Variants in TBC1D19 observed in about 807,000 individuals in gnomAD.
TBC1D19 encodes the protein TBC1 domain family member 19.
In TBC1D19, 60 loss-of-function variants were observed where a neutral mutation model predicts 89.0. The ratio of observed to expected loss-of-function variants is 0.67; its 90% CI spans 0.55 to 0.84. TBC1D19 has a LOEUF of 0.84. TBC1D19 is among the 40% of genes least tolerant of loss of function. The pLI is 0.00. For missense variants in TBC1D19, 500 were observed against 610.8 expected, an observed-to-expected ratio of 0.82 and a Z score of 1.91; for synonymous variants, 189 against 199.7, an observed-to-expected ratio of 0.95 and a Z score of 0.45.
chr4:26,622,092 T>G (rs1742087927), intron 4 of TBC1D19, among the ~76,000 whole-genome samples: 1 of 151,442 alleles, frequency 6.6e-6, no homozygotes, highest in African/African-American at 2.4e-5. Flanking sequence ...CAGGGACTGT[T>G]GTGGGGTGGG....
chr4:26,833,778 G>C, the TBC1D19 span, among the ~76,000 whole-genome samples: 1 of 152,282 alleles, frequency 6.6e-6, no homozygotes, highest in East Asian at 1.9e-4. Context: ...CCAGTAGGTG[G>C]GTTCACAGAG....
chr4:26,734,089 A>C (rs528469681), intron 15 of TBC1D19, among the ~76,000 whole-genome samples: 50 of 152,320 alleles, frequency 3.3e-4, no homozygotes, highest in African/African-American at 1.0e-3. Context: ...GATAAATTAG[A>C]TTTGTTCTGT....
chr4:26,700,115 G>A (rs771125518), intron 13 of TBC1D19, among the ~76,000 whole-genome samples: 2 of 151,950 alleles, frequency 1.3e-5, no homozygotes, highest in Non-Finnish European at 2.9e-5. Flanking sequence ...GGGAAGTTTA[G>A]GACAACATGC....
intron 4 of TBC1D19, among the ~76,000 whole-genome samples, chr4:26,628,199 A>G (rs189889127): frequency 2.0e-5 from 3 of 151,986 alleles, no homozygotes; most frequent in Admixed American, 2.0e-4. Flanking sequence ...ATAGTTGTAG[A>G]TATGTGGCAT....
chr4:26,753,367 C>T (rs1230100983), intron 19 of TBC1D19, among the ~76,000 whole-genome samples: 1 of 152,098 alleles, frequency 6.6e-6, no homozygotes, highest in Non-Finnish European at 1.5e-5. Flanking sequence ...TAGTGGCTCA[C>T]CCATGTAATC....
intron 4 of TBC1D19, 129 bp from the exon 5 acceptor site, chr4:26,637,082 G>A: frequency 1.6e-6 from 1 of 637,132 alleles, no homozygotes; most frequent in Non-Finnish European, 2.7e-6. Context: ...TTGTTGAGTG[G>A]ACTAATAAAT....
chr4:26,724,391 G>A (rs1277085832), intron 15 of TBC1D19, among the ~76,000 whole-genome samples: 1 of 152,060 alleles, frequency 6.6e-6, no homozygotes, highest in African/African-American at 2.4e-5. Flanking sequence ...TTATACTGTG[G>A]TATCACTGGA....
intron 11 of TBC1D19, among the ~76,000 whole-genome samples, chr4:26,677,358 G>A (rs992744237): frequency 2.7e-5 from 4 of 146,910 alleles, no homozygotes; most frequent in Admixed American, 6.8e-5. Context: ...TCACTCTGTC[G>A]TCTAGGCTGG....
At chr4:26,710,873 GTTGT>G (rs1716137014) in intron 13 of TBC1D19, among the ~76,000 whole-genome samples, 2 of 152,130 alleles carry the variant, frequency 1.3e-5, no homozygotes, top group Admixed American at 1.3e-4. Context: ...TTTTGATGGG[GTTGT>G]TTGTTTTTTC....
At chr4:26,635,302 T>A (rs1041244323) in intron 4 of TBC1D19, among the ~76,000 whole-genome samples, 2 of 152,122 alleles carry the variant, frequency 1.3e-5, no homozygotes, top group African/African-American at 4.8e-5. Flanking sequence ...ATGAGATTTA[T>A]CTAAATAAGG....
At chr4:26,653,152 T>G (rs1043515714) in intron 7 of TBC1D19, among the ~76,000 whole-genome samples, 4 of 152,232 alleles carry the variant, frequency 2.6e-5, no homozygotes, top group African/African-American at 9.6e-5. Flanking sequence ...GAGCAGGTTG[T>G]TCAGTTTCCA....
downstream of TBC1D19, among the ~76,000 whole-genome samples, chr4:26,757,019 A>AT (rs35758647): frequency 1.9e-3 from 272 of 146,254 alleles, 1 homozygote; most frequent in African/African-American, 6.4e-3. Context: ...TACCCATGCT[A>AT]TTTTTTTTTT....
intron 14 of TBC1D19, 90 bp downstream of exon 14, chr4:26,718,107 A>C (rs886380807): frequency 2.3e-6 from 2 of 857,844 alleles, no homozygotes; most frequent in Non-Finnish European, 3.6e-6. Flanking sequence ...TGGTGTTGCC[A>C]AATTATTATA....
intron 15 of TBC1D19, among the ~76,000 whole-genome samples, chr4:26,721,288 A>T (rs1716959142): frequency 6.6e-6 from 1 of 151,962 alleles, no homozygotes; most frequent in African/African-American, 2.4e-5. Flanking sequence ...AAACTAAATT[A>T]AAAAACAAAA....
At chr4:26,687,310 G>T (rs964261527) in intron 12 of TBC1D19, among the ~76,000 whole-genome samples, 12 of 152,166 alleles carry the variant, frequency 7.9e-5, no homozygotes, top group African/African-American at 2.9e-4. Flanking sequence ...GGAGGCAGTG[G>T]TATCCTCATT....
At chr4:26,680,493 C>T (rs1713240455) in intron 11 of TBC1D19, among the ~76,000 whole-genome samples, 1 of 152,112 alleles carries the variant, frequency 6.6e-6, no homozygotes, top group Non-Finnish European at 1.5e-5. Context: ...AGCCATCTCT[C>T]TCTCCCTTTC....
chr4:26,682,212 G>A (rs1013723244), intron 11 of TBC1D19, among the ~76,000 whole-genome samples: 2 of 152,144 alleles, frequency 1.3e-5, no homozygotes, highest in East Asian at 3.8e-4. Context: ...CTACCATTAA[G>A]GAGCCTGCAT....
chr4:26,694,039 G>T (rs573210347), intron 13 of TBC1D19, among the ~76,000 whole-genome samples: 1 of 152,064 alleles, frequency 6.6e-6, no homozygotes, highest in African/African-American at 2.4e-5. Context: ...GGGGCTCGTC[G>T]AACAGTGGAG....
downstream of TBC1D19, among the ~76,000 whole-genome samples, chr4:26,758,605 G>A (rs1046321731): frequency 1.3e-5 from 2 of 152,114 alleles, no homozygotes; most frequent in African/African-American, 4.8e-5. Context: ...AATCTTTCAG[G>A]GAAGCTGGAT....
Sources: allele counts gnomAD v4.1 joint callset (sites outside exome capture counted in the v4.1 genomes callset), GRCh38; gene constraint gnomAD v4.1.1; transcripts MANE v1.5; gene names NCBI Gene and HGNC (gene_info 2026-07-23, HGNC 2026-07-21).